The following CCNJL variants were observed in gnomAD, a reference collection of about 807,000 sequenced individuals.
The protein encoded by CCNJL is cyclin-J-like protein.
A neutral mutation model predicts 33.4 loss-of-function variants in CCNJL; 33 were observed. That is an observed-to-expected ratio of 0.99 (90% CI 0.75 to 1.32). The LOEUF is 1.32. CCNJL is among the 40% of genes most tolerant of loss of function. CCNJL has a pLI of 0.00. For synonymous variants in CCNJL, 227 were observed against 220.9 expected (o/e 1.03, Z -0.24); for missense variants, 512 against 499.7 (o/e 1.02, Z -0.23).
At chr5:160,283,626 C>T (rs932363163) in intron 2 of CCNJL, among the ~76,000 whole-genome samples, 1 of 152,168 alleles carries the variant, frequency 6.6e-6, no homozygotes, top group Non-Finnish European at 1.5e-5. Flanking sequence ...GTGTTACAAA[C>T]AATCTAATCA....
intron 2 of CCNJL, 64 bp downstream of exon 2, chr5:160,311,794 C>A (rs973099123): frequency 6.7e-7 from 1 of 1,498,278 alleles, no homozygotes; most frequent in African/African-American, 1.4e-5. Flanking sequence ...CCTGAGAACA[C>A]GAAGTCGAGA....
chr5:160,336,964 T>TCCTC (rs1053485570), intron 1 of CCNJL, among the ~76,000 whole-genome samples: 1 of 151,234 alleles, frequency 6.6e-6, no homozygotes, highest in South Asian at 2.1e-4. Flanking sequence ...ATTTTTTTTT[T>TCCTC]CCTCCCTCCC....
intron 3 of CCNJL, among the ~76,000 whole-genome samples, chr5:160,260,509 G>C (rs750575299): frequency 3.3e-5 from 5 of 152,104 alleles, no homozygotes; most frequent in Admixed American, 2.0e-4. Flanking sequence ...TCCTACCCAC[G>C]GGTTAAAGAG....
intron 1 of CCNJL, among the ~76,000 whole-genome samples, chr5:160,337,214 C>G (rs1199238522): frequency 6.6e-6 from 1 of 150,532 alleles, no homozygotes; most frequent in Non-Finnish European, 1.5e-5. Context: ...CAGGTTTTCA[C>G]CATGTTGCCC....
rs376391169 is a variant in CCNJL, at chr5:160,255,716, A to C, written c.584-8T>G. The C allele has an allele frequency of 1.2e-6, 2 of 1,613,042 alleles. No individual in the cohort carries two copies. The highest frequency in any genetic ancestry group is 1.7e-6 in the Non-Finnish European group (2 of 1,179,896). On this transcript the variant is annotated splice_region_variant and splice_polypyrimidine_tract_variant and intron_variant, in intron 4 of 5. Transcript: ENST00000257536. ...ATTTGTAGAATATGTGATCTGAAAGAAAGCCACGGAGGGAGTCAGCATCCA... is the reference window on the plus strand; with the variant it reads ...ATTTGTAGAATATGTGATCTGAAAGCAAGCCACGGAGGGAGTCAGCATCCA...
chr5:160,339,517 C>T, exon 1 of CCNJL: 2 of 452,558 alleles, frequency 4.4e-6, no homozygotes, highest in South Asian at 3.1e-5. Context: ...AGACGTATGC[C>T]TCATTTTCCA....
upstream of CCNJL, among the ~76,000 whole-genome samples, chr5:160,313,830 T>C (rs375256760): frequency 2.0e-5 from 3 of 152,178 alleles, no homozygotes; most frequent in African/African-American, 7.2e-5. Context: ...AACCTTCAAA[T>C]GGGAGAATAT....
intron 2 of CCNJL, among the ~76,000 whole-genome samples, chr5:160,310,589 A>G (rs768193628): frequency 3.3e-5 from 5 of 152,128 alleles, no homozygotes; most frequent in Non-Finnish European, 7.4e-5. Flanking sequence ...TCCTCCCTGT[A>G]TTGGGCGCAG....
intron 4 of CCNJL, 114 bp downstream of exon 4, chr5:160,259,355 G>A: frequency 1.2e-6 from 1 of 863,694 alleles, no homozygotes; most frequent in Non-Finnish European, 1.8e-6. Flanking sequence ...TGGGTGCACA[G>A]GCCCCAGTGA....
chr5:160,323,666 TG>T (rs1763500905), intron 1 of CCNJL, among the ~76,000 whole-genome samples: 1 of 152,216 alleles, frequency 6.6e-6, no homozygotes, highest in Admixed American at 6.5e-5. Context: ...TCCACTTGAC[TG>T]GGCCAGGGGG....
Position 160,249,203 on chromosome 5 carries a change from A to G in CCNJL, c.*4175T>C, listed in dbSNP as rs1049413747. ...TGAAACTTAATTACATCCAGAAAGG[A>G]CACTTGCATGCTAGTTTATCTATGG... On this transcript the variant is annotated 3_prime_UTR_variant, in exon 6 of 6. Coordinates refer to ENST00000257536, the MANE Select transcript of CCNJL (RefSeq NM_001308173.3). The G allele has an allele frequency of 2.0e-5, 3 of 152,206 alleles. No homozygotes were observed. Among genetic ancestry groups the G allele is most frequent in the African/African-American group, 7.2e-5 (3 of 41,442 alleles). The allele number at this position is 152,206 out of a possible 1,614,324, so 9.4% of individuals were successfully genotyped here.
intron 3 of CCNJL, among the ~76,000 whole-genome samples, chr5:160,279,584 T>C (rs1762137583): frequency 1.3e-5 from 2 of 152,194 alleles, no homozygotes. Flanking sequence ...TTGGGAGACC[T>C]CACCTGCTGA....
At chr5:160,253,897 G>A (rs1250333980) in intron 5 of CCNJL, 99 bp from the exon 6 acceptor site, 3 of 872,060 alleles carry the variant, frequency 3.4e-6, no homozygotes, top group South Asian at 2.0e-5. Flanking sequence ...GAAGAGATGC[G>A]TGTGTCCTGT....
intron 2 of CCNJL, among the ~76,000 whole-genome samples, chr5:160,295,286 C>T (rs376418293): frequency 7.2e-5 from 11 of 152,130 alleles, no homozygotes; most frequent in African/African-American, 1.9e-4. Flanking sequence ...GTCAAGAGAT[C>T]GAGACCATCC....
At chr5:160,258,357 T>C in intron 4 of CCNJL, 2 of 769,224 alleles carry the variant, frequency 2.6e-6, no homozygotes, top group Non-Finnish European at 2.4e-6. Context: ...TAATGAAAGA[T>C]GATACAATAT....
At chr5:160,323,530 C>CA (rs1310776677) in intron 1 of CCNJL, among the ~76,000 whole-genome samples, 1 of 152,178 alleles carries the variant, frequency 6.6e-6, no homozygotes, top group African/African-American at 2.4e-5. Flanking sequence ...TTTCTCTGTG[C>CA]ATTGTAAACA....
chr5:160,313,061 A>G (rs2113464936), upstream of CCNJL: 1 of 151,490 alleles, frequency 6.6e-6, no homozygotes, highest in African/African-American at 2.4e-5. Flanking sequence ...ACCCTTGTTC[A>G]CCCACGAGTC....
intron 2 of CCNJL, among the ~76,000 whole-genome samples, chr5:160,296,490 C>T (rs1203394809): frequency 6.6e-6 from 1 of 152,244 alleles, no homozygotes; most frequent in Non-Finnish European, 1.5e-5. Context: ...TCCTCACTTC[C>T]TCCCCTAGTT....
intron 4 of CCNJL, 112 bp downstream of exon 4, chr5:160,259,357 C>A: frequency 1.1e-6 from 1 of 880,514 alleles, no homozygotes; most frequent in Non-Finnish European, 1.7e-6. Flanking sequence ...GGTGCACAGG[C>A]CCCAGTGAGA....
Sources: allele counts gnomAD v4.1 joint callset (sites outside exome capture counted in the v4.1 genomes callset), GRCh38; gene constraint gnomAD v4.1.1; transcripts MANE v1.5; gene names NCBI Gene and HGNC (gene_info 2026-07-23, HGNC 2026-07-21).